Variants in CNOT6L observed in about 807,000 individuals in gnomAD.
The protein encoded by CNOT6L is CCR4-NOT transcription complex subunit 6-like.
In CNOT6L, 7 loss-of-function variants were observed where a neutral mutation model predicts 64.0. That is an observed-to-expected ratio of 0.11 (90% CI 0.06 to 0.21). The LOEUF (loss-of-function observed/expected upper bound fraction) is 0.21, where lower values mean the gene tolerates loss of function less well. Among genes scored for constraint, CNOT6L ranks in the 10% least tolerant of loss-of-function variants. CNOT6L has a pLI of 1.00. For missense variants in CNOT6L, 245 were observed against 669.0 expected, an observed-to-expected ratio of 0.37 and a Z score of 6.99; for synonymous variants, 193 against 243.4, an observed-to-expected ratio of 0.79 and a Z score of 1.93.
At chr4:77,789,940 T>A (rs1209340338) in intron 1 of CNOT6L, among the ~76,000 whole-genome samples, 1 of 91,016 alleles carries the variant, frequency 1.1e-5, no homozygotes, top group East Asian at 3.2e-4. Flanking sequence ...AGCAAGACAC[T>A]GTCTCAAAAA....
chr4:77,800,347 AT>A (rs920723265), intron 1 of CNOT6L, among the ~76,000 whole-genome samples: 26 of 150,204 alleles, frequency 1.7e-4, no homozygotes, highest in Admixed American at 4.0e-4. Flanking sequence ...ACCAAAAAAA[AT>A]TTTTTTTTTT....
At chr4:77,761,137 T>C (rs1278670892) in intron 4 of CNOT6L, among the ~76,000 whole-genome samples, 1 of 151,786 alleles carries the variant, frequency 6.6e-6, no homozygotes, top group Non-Finnish European at 1.5e-5. Flanking sequence ...ATAGAAAACA[T>C]CAGCAAAAAT....
At chr4:77,779,068 A>AC (rs1728527131) in intron 1 of CNOT6L, among the ~76,000 whole-genome samples, 1 of 105,294 alleles carries the variant, frequency 9.5e-6, no homozygotes, top group East Asian at 2.5e-4. Context: ...AAAAACAAAA[A>AC]AAAAACACAA....
At chr4:77,804,364 G>A (rs1245828572) in intron 1 of CNOT6L, among the ~76,000 whole-genome samples, 1 of 151,932 alleles carries the variant, frequency 6.6e-6, no homozygotes, top group African/African-American at 2.4e-5. Context: ...GGGAGGCGGA[G>A]GCTGTGGTGA....
intron 5 of CNOT6L, among the ~76,000 whole-genome samples, chr4:77,755,126 A>C (rs1725381229): frequency 6.6e-6 from 1 of 151,490 alleles, no homozygotes; most frequent in Non-Finnish European, 1.5e-5. Flanking sequence ...TACCAAAAAA[A>C]AGCTTACATC....
In CNOT6L at chr4:77,819,286, G is replaced by A. The variant is rs745711000; in HGVS notation, c.5+18C>T. The A allele has an allele frequency of 2.9e-5, 47 of 1,613,622 alleles. No individual in the cohort carries two copies. The highest frequency in any genetic ancestry group is 6.7e-5 in the Admixed American group (4 of 60,014). On this transcript the variant is annotated intron_variant, in intron 1 of 11. Transcript: ENST00000504123. ...CCCAACACTCTCGGTCCTACTCGGA[G>A]GCAAAAGAACACTCTACCTCATTCT...
At chr4:77,751,311 T>C (rs1724838836) in intron 5 of CNOT6L, among the ~76,000 whole-genome samples, 1 of 152,010 alleles carries the variant, frequency 6.6e-6, no homozygotes, top group Admixed American at 6.6e-5. Context: ...ATCAGTGAAC[T>C]TGAGAACGAA....
At chr4:77,748,691 T>G (rs1255165479) in intron 5 of CNOT6L, among the ~76,000 whole-genome samples, 1 of 152,318 alleles carries the variant, frequency 6.6e-6, no homozygotes, top group East Asian at 1.9e-4. Flanking sequence ...TAATTATATA[T>G]GTAAATTGTA....
rs757811671 is a variant in CNOT6L at position 77,728,937 on chromosome 4, G to C, written c.1169C>G (p.Ser390Cys). 1.4e-5 allele frequency: 23 copies of C among 1,613,748 alleles called. No individual in the cohort carries two copies. The South Asian group carries it at 2.4e-4, about 17-fold the overall frequency. ...SEVKNILEKASSRPGSPTADP... is the reference protein window; with the variant it reads ...SEVKNILEKACSRPGSPTADP... ...TGCAGTTGGGCTTCCAGGCCTACTA[G>C]AGGCTTTCTCCAGAATGTTTTTAAC... Residue 390 changes from serine (S) to cysteine (C), a missense_variant, in exon 10 of 12, where the codon TCT becomes TGT. Coordinates refer to ENST00000504123, the MANE Select transcript of CNOT6L (RefSeq NM_144571.3).
chr4:77,753,777 G>C (rs972810795), intron 5 of CNOT6L, among the ~76,000 whole-genome samples: 1 of 151,126 alleles, frequency 6.6e-6, no homozygotes, highest in Non-Finnish European at 1.5e-5. Context: ...CTTTATTCTA[G>C]GAATACCAAA....
intron 4 of CNOT6L, among the ~76,000 whole-genome samples, chr4:77,771,540 A>T (rs2110052503): frequency 6.6e-6 from 1 of 152,318 alleles, no homozygotes; most frequent in East Asian, 1.9e-4. Context: ...GTTAATCCTC[A>T]ATCCTTAGGA....
At chr4:77,763,916 A>ATTATTAAATTTATTAAATT (rs1726519723) in intron 4 of CNOT6L, among the ~76,000 whole-genome samples, 1 of 152,252 alleles carries the variant, frequency 6.6e-6, no homozygotes, top group South Asian at 2.1e-4. Flanking sequence ...CATATTAAAA[A>ATTATTAAATTTATTAAATT]TACTTAGACC....
intron 4 of CNOT6L, among the ~76,000 whole-genome samples, chr4:77,767,601 T>C (rs1726989709): frequency 6.6e-6 from 1 of 152,154 alleles, no homozygotes; most frequent in South Asian, 2.1e-4. Context: ...TATTCACTAA[T>C]GATGTTGAGA....
At chr4:77,786,008 C>T (rs1343849379) in intron 1 of CNOT6L, among the ~76,000 whole-genome samples, 4 of 152,096 alleles carry the variant, frequency 2.6e-5, no homozygotes, top group Admixed American at 6.6e-5. Context: ...TGGCCGGGTG[C>T]GGTGGCTCAT....
intron 5 of CNOT6L, among the ~76,000 whole-genome samples, chr4:77,754,897 A>T (rs1577950988): frequency 7.8e-6 from 1 of 128,658 alleles, no homozygotes; most frequent in Non-Finnish European, 1.8e-5. Flanking sequence ...GTAAAAAAAA[A>T]AAAAAAAAAA....
chr4:77,780,373 C>T (rs1728720506), intron 1 of CNOT6L, among the ~76,000 whole-genome samples: 1 of 152,170 alleles, frequency 6.6e-6, no homozygotes, highest in South Asian at 2.1e-4. Context: ...TACATAGATT[C>T]TCAAAAGATC....
intron 5 of CNOT6L, among the ~76,000 whole-genome samples, chr4:77,754,295 C>T (rs1725206915): frequency 6.6e-6 from 1 of 152,080 alleles, no homozygotes; most frequent in Admixed American, 6.5e-5. Context: ...TCAGTAACAA[C>T]CATTAAGTTA....
At chr4:77,772,452 GC>G (rs1444354779) in intron 4 of CNOT6L, among the ~76,000 whole-genome samples, 1 of 151,654 alleles carries the variant, frequency 6.6e-6, no homozygotes, top group East Asian at 1.9e-4. Flanking sequence ...TCTCAAACCA[GC>G]CTAGTATTCC....
At chr4:77,774,112 T>A (rs1727904657) in intron 3 of CNOT6L, among the ~76,000 whole-genome samples, 1 of 152,200 alleles carries the variant, frequency 6.6e-6, no homozygotes, top group African/African-American at 2.4e-5. Flanking sequence ...AAATTAGAAA[T>A]AAATCCATTT....
Sources: gnomAD v4.1 joint callset for allele counts (sites outside exome capture counted in the v4.1 genomes callset) on GRCh38, gnomAD v4.1.1 for gene constraint, MANE v1.5 for transcripts, NCBI Gene and HGNC (gene_info 2026-07-23, HGNC 2026-07-21) for gene names.